Variants in BRAF observed in about 807,000 individuals in gnomAD.
The protein encoded by BRAF is serine/threonine-protein kinase B-raf.
BRAF carries 16 observed loss-of-function variants against 104.6 expected under a neutral mutation model. That is an observed-to-expected ratio of 0.15 (90% confidence interval 0.10 to 0.23). The LOEUF (loss-of-function observed/expected upper bound fraction) is 0.23. Among genes scored for constraint, BRAF ranks in the 10% least tolerant of loss-of-function variants. BRAF has a pLI of 1.00. For missense variants in BRAF, 541 were observed against 937.3 expected (o/e 0.58, Z 5.52); for synonymous variants, 310 against 341.6 (o/e 0.91, Z 1.02).
intron 2 of BRAF, among the ~76,000 whole-genome samples, chr7:140,845,330 A>G (rs1209966120): frequency 3.3e-5 from 5 of 152,206 alleles, no homozygotes; most frequent in African/African-American, 7.2e-5. Context: ...CTTGGATATG[A>G]TATCAAAGGC....
At chr7:140,901,585 G>T (rs1270465736) in intron 1 of BRAF, among the ~76,000 whole-genome samples, 1 of 152,166 alleles carries the variant, frequency 6.6e-6, no homozygotes, top group Non-Finnish European at 1.5e-5. Context: ...CTATCAATTT[G>T]AGAAATACTA....
intron 1 of BRAF, among the ~76,000 whole-genome samples, chr7:140,873,317 T>C (rs1586489458): frequency 6.6e-6 from 1 of 152,122 alleles, no homozygotes; most frequent in South Asian, 2.1e-4. Context: ...ATTACAGGCA[T>C]GCACCACCAT....
In BRAF at chr7:140,824,889, G is replaced by A. The variant is rs539515225; in HGVS notation, c.504+9720C>T. Among the ~76,000 whole-genome samples the A allele has an allele frequency of 8.6e-5, 13 of 151,740 alleles. No individual in the cohort carries two copies. In the South Asian group the frequency reaches 1.0e-3, roughly 12 times the overall value. On this transcript the variant is annotated intron_variant, in intron 3 of 19. Coordinates refer to ENST00000644969, the MANE Select transcript of BRAF (RefSeq NM_001374258.1). ...ATTTTCCTAATGACTAATGTTGAGC[G>A]TCTTCTCATGCGTTTATTACCATCC... is the stretch of plus-strand genomic sequence containing the variant.
intron 2 of BRAF, among the ~76,000 whole-genome samples, chr7:140,843,524 T>C (rs1173345719): frequency 6.6e-6 from 1 of 152,176 alleles, no homozygotes; most frequent in Non-Finnish European, 1.5e-5. Flanking sequence ...ATTTATAATT[T>C]TTATGGATTG....
chr7:140,844,463 T>A (rs929849169), intron 2 of BRAF, among the ~76,000 whole-genome samples: 2 of 152,220 alleles, frequency 1.3e-5, no homozygotes, highest in Non-Finnish European at 2.9e-5. Context: ...CTGCTGTCTT[T>A]CCTGTTGACA....
Position 140,721,611 on chromosome 7 carries a change from A to G in BRAF, c.*4883T>C. ...TCCGCTCTCCTCTGGCCAAGCTACA[A>G]ATCATCACCTGAGGCAGAGATGCTA... On this transcript the variant is annotated 3_prime_UTR_variant, in exon 20 of 20. Transcript: ENST00000644969. 6.5e-7 allele frequency: 1 copy of G among 1,535,472 alleles called. No homozygotes were observed. The highest frequency in any genetic ancestry group is 1.4e-5 in the African/African-American group (1 of 73,088).
At chr7:140,908,572 C>A (rs1816595467) in intron 1 of BRAF, among the ~76,000 whole-genome samples, 1 of 152,090 alleles carries the variant, frequency 6.6e-6, no homozygotes, top group Non-Finnish European at 1.5e-5. Flanking sequence ...ACAGAGCAAA[C>A]CCTCAAGGCA....
At chr7:140,890,900 A>G (rs1243966011) in intron 1 of BRAF, among the ~76,000 whole-genome samples, 2 of 152,242 alleles carry the variant, frequency 1.3e-5, no homozygotes, top group Non-Finnish European at 2.9e-5. Context: ...AATGCAGTCT[A>G]AGCAACAGTT....
intron 14 of BRAF, among the ~76,000 whole-genome samples, chr7:140,763,549 C>G (rs1371486419): frequency 1.3e-5 from 2 of 152,086 alleles, no homozygotes. Context: ...AGACCACTAG[C>G]AAGACTAATA....
downstream of BRAF, among the ~76,000 whole-genome samples, chr7:140,717,822 TTTATA>T (rs1210004285): frequency 1.3e-5 from 2 of 152,206 alleles, no homozygotes; most frequent in African/African-American, 4.8e-5. Flanking sequence ...TTCTATGATG[TTTATA>T]TTATAGAATT....
At chr7:140,843,059 C>G (rs1191087879) in intron 2 of BRAF, among the ~76,000 whole-genome samples, 8 of 152,142 alleles carry the variant, frequency 5.3e-5, no homozygotes, top group Non-Finnish European at 1.2e-4. Flanking sequence ...AGCACAACTT[C>G]TACTTGACAG....
At chr7:140,789,880 G>A (rs1801777437) in intron 8 of BRAF, among the ~76,000 whole-genome samples, 1 of 152,186 alleles carries the variant, frequency 6.6e-6, no homozygotes, top group South Asian at 2.1e-4. Context: ...ACAGGCGCCT[G>A]CCACCATGCC....
At chr7:140,846,119 T>C (rs1263653094) in intron 2 of BRAF, among the ~76,000 whole-genome samples, 2 of 151,990 alleles carry the variant, frequency 1.3e-5, no homozygotes, top group African/African-American at 4.8e-5. Context: ...GAAAAAATAA[T>C]CATAAAATCA....
At chr7:140,904,472 C>A (rs529501296) in intron 1 of BRAF, among the ~76,000 whole-genome samples, 3 of 151,852 alleles carry the variant, frequency 2.0e-5, no homozygotes, top group Non-Finnish European at 4.4e-5. Context: ...CAAGAAACTT[C>A]GTATCTAAAG....
chr7:140,804,882 T>G (rs1803502573), intron 5 of BRAF, among the ~76,000 whole-genome samples: 1 of 152,126 alleles, frequency 6.6e-6, no homozygotes, highest in Non-Finnish European at 1.5e-5. Context: ...CATGACTCAC[T>G]GCAAAGTCTG....
At chr7:140,716,533 TTCCAGC>T, downstream of BRAF, among the ~76,000 whole-genome samples, 1 of 152,316 alleles carries the variant, frequency 6.6e-6, no homozygotes. Flanking sequence ...TGTAAACATA[TTCCAGC>T]AGACGCAGTG....
chr7:140,747,500 ATTTTG>A, intron 17 of BRAF: 2 of 835,332 alleles, frequency 2.4e-6, no homozygotes, highest in Non-Finnish European at 3.4e-6. Flanking sequence ...TTTTATCTGT[ATTTTG>A]GAGATAATAC....
rs1196223608 is a variant in BRAF, at chr7:140,721,307, T to C, written c.*5187A>G. 1 of 1,160,426 alleles carries C rather than the reference T, an allele frequency of 8.6e-7. No homozygotes were observed. Among genetic ancestry groups the C allele is most frequent in the African/African-American group, 1.6e-5 (1 of 62,608 alleles). The allele number at this position is 1,160,426 out of a possible 1,614,324, so 71.9% of individuals were successfully genotyped here. A position where few individuals can be genotyped will look rare whatever the true frequency, so the allele number is the denominator to read the frequency against. Reference sequence around the variant, plus strand: ...AATTGCCCCATGCATTTTTTTTTTTTAAAGCACTGTTACCTTAATTTAAGA... The same window carrying C: ...AATTGCCCCATGCATTTTTTTTTTTCAAAGCACTGTTACCTTAATTTAAGA... On this transcript the variant is annotated 3_prime_UTR_variant, in exon 20 of 20. Coordinates refer to ENST00000644969, the MANE Select transcript of BRAF (RefSeq NM_001374258.1).
intron 1 of BRAF, among the ~76,000 whole-genome samples, chr7:140,885,326 A>C (rs10258390): frequency 6.6e-6 from 1 of 150,590 alleles, no homozygotes; most frequent in East Asian, 2.0e-4. Context: ...AAAAAAAAAA[A>C]TTTTTTTTTT....
Sources: allele counts gnomAD v4.1 joint callset (sites outside exome capture counted in the v4.1 genomes callset), GRCh38; gene constraint gnomAD v4.1.1; transcripts MANE v1.5; gene names NCBI Gene and HGNC (gene_info 2026-07-23, HGNC 2026-07-21).